The following ELAPOR2 variants were observed in gnomAD, a reference collection of about 807,000 sequenced individuals.
The protein encoded by ELAPOR2 is endosome-lysosome associated apoptosis and autophagy regulator family member 2.
A neutral mutation model predicts 120.7 loss-of-function variants in ELAPOR2; 89 were observed. That is an observed-to-expected ratio of 0.74 (90% CI 0.62 to 0.88). ELAPOR2 has a LOEUF of 0.88. Ranked by LOEUF, ELAPOR2 falls within the 40% of genes least tolerant of loss-of-function variation. ELAPOR2 has a pLI of 0.00. For synonymous variants in ELAPOR2, 444 were observed against 444.9 expected, an observed-to-expected ratio of 1.00 and a Z score of 0.03; for missense variants, 1,134 against 1,251.6, an observed-to-expected ratio of 0.91 and a Z score of 1.42.
chr7:86,946,190 C>CAT (rs3057444), intron 3 of ELAPOR2, among the ~76,000 whole-genome samples: 2 of 151,570 alleles, frequency 1.3e-5, no homozygotes, highest in Admixed American at 1.3e-4. Flanking sequence ...CACACACACA[C>CAT]GTGTGCATAC....
At chr7:87,035,632 T>G (rs969943988) in intron 1 of ELAPOR2, among the ~76,000 whole-genome samples, 3 of 152,194 alleles carry the variant, frequency 2.0e-5, no homozygotes, top group Non-Finnish European at 2.9e-5. Flanking sequence ...ATATTGCATC[T>G]AAGTTGAACT....
At chr7:86,950,889 A>G (rs1175948830) in intron 2 of ELAPOR2, among the ~76,000 whole-genome samples, 2 of 152,218 alleles carry the variant, frequency 1.3e-5, no homozygotes, top group African/African-American at 4.8e-5. Flanking sequence ...AAAATATAGT[A>G]TAAGGTGGTT....
intron 5 of ELAPOR2, chr7:86,941,529 G>T (rs932299041): frequency 2.7e-6 from 1 of 369,192 alleles, no homozygotes; most frequent in Non-Finnish European, 5.6e-6. Context: ...AATGGAGACA[G>T]CACAGTACCC....
chr7:87,042,445 G>C (rs1460379191), intron 1 of ELAPOR2, among the ~76,000 whole-genome samples: 4 of 151,286 alleles, frequency 2.6e-5, no homozygotes, highest in Non-Finnish European at 5.9e-5. Flanking sequence ...CTAGAACTCA[G>C]GATGAGAATC....
intron 21 of ELAPOR2, among the ~76,000 whole-genome samples, chr7:86,881,107 C>G (rs1370459836): frequency 6.6e-6 from 1 of 152,024 alleles, no homozygotes; most frequent in East Asian, 1.9e-4. Flanking sequence ...TCATTGCTGG[C>G]ATTATATAAA....
chr7:87,025,514 A>G (rs1341315160), intron 1 of ELAPOR2, among the ~76,000 whole-genome samples: 1 of 152,124 alleles, frequency 6.6e-6, no homozygotes, highest in Non-Finnish European at 1.5e-5. Context: ...ACAATTAATG[A>G]CAAGTAAAAT....
At chr7:86,910,760 A>T (rs1789264108) in intron 15 of ELAPOR2, among the ~76,000 whole-genome samples, 1 of 148,752 alleles carries the variant, frequency 6.7e-6, no homozygotes, top group Non-Finnish European at 1.5e-5. Context: ...AAATGTAAAA[A>T]TAATACAGGA....
intron 1 of ELAPOR2, among the ~76,000 whole-genome samples, chr7:86,998,224 G>T (rs1793188702): frequency 6.6e-6 from 1 of 151,990 alleles, no homozygotes; most frequent in Non-Finnish European, 1.5e-5. Context: ...GTTAAACAAT[G>T]GTAATATGAA....
intron 1 of ELAPOR2, among the ~76,000 whole-genome samples, chr7:87,001,235 G>A (rs1387644796): frequency 3.9e-5 from 6 of 152,120 alleles, no homozygotes; most frequent in African/African-American, 1.2e-4. Flanking sequence ...GAGAGTAGAG[G>A]TGATATTATA....
chr7:86,885,499 G>T (rs796705493), intron 21 of ELAPOR2, among the ~76,000 whole-genome samples: 4 of 152,170 alleles, frequency 2.6e-5, no homozygotes, highest in Admixed American at 6.6e-5. Context: ...CAGTCTTAAT[G>T]CCTCCCTCCC....
At chr7:87,036,300 C>G (rs1178403559) in intron 1 of ELAPOR2, among the ~76,000 whole-genome samples, 1 of 151,824 alleles carries the variant, frequency 6.6e-6, no homozygotes. Flanking sequence ...AGGGTGAAAC[C>G]CTGTCTATAC....
intron 1 of ELAPOR2, among the ~76,000 whole-genome samples, chr7:86,980,984 G>A (rs1156932710): frequency 6.6e-6 from 1 of 152,148 alleles, no homozygotes; most frequent in African/African-American, 2.4e-5. Flanking sequence ...GTATCACTCA[G>A]GCTCCTTTGC....
At chr7:86,907,634 T>C (rs757087662) in intron 18 of ELAPOR2, 36 bp downstream of exon 18, 2 of 1,324,882 alleles carry the variant, frequency 1.5e-6, no homozygotes, top group Non-Finnish European at 2.1e-6. Context: ...TTTTTCTTCC[T>C]CATGGTAAAC....
intron 1 of ELAPOR2, among the ~76,000 whole-genome samples, chr7:87,010,629 G>A (rs1308252880): frequency 1.3e-5 from 2 of 152,082 alleles, no homozygotes; most frequent in Non-Finnish European, 2.9e-5. Flanking sequence ...CATTTCTCTA[G>A]GGATATTATA....
intron 1 of ELAPOR2, among the ~76,000 whole-genome samples, chr7:86,998,003 A>G (rs4728658): frequency 0.025 from 3,851 of 152,296 alleles, 130 homozygotes; most frequent in East Asian, 0.098. Context: ...GAATTACACA[A>G]CAATATGTAA....
chr7:86,913,189 T>C lies in ELAPOR2; in HGVS notation c.1747A>G (p.Asn583Asp). ...ATAGAATAAATCTTCACCATGTCATTGATGAACCGTCTATTCTAAAAAAAA... is the reference window on the plus strand; with the variant it reads ...ATAGAATAAATCTTCACCATGTCATCGATGAACCGTCTATTCTAAAAAAAA... Reference protein sequence around the residue: ...NQGQDNRRFINDMVKIYSITA... With the variant: ...NQGQDNRRFIDDMVKIYSITA... Residue 583 changes from asparagine (N) to aspartate (D), a missense_variant, in exon 14 of 22, where the codon AAT becomes GAT. Asn to Asp is a conservative substitution (Grantham distance 23). This residue lies in a region of ELAPOR2 where 831 missense variants were observed against 867.6 expected (regional missense o/e 0.96). Coordinates refer to ENST00000450689, the MANE Select transcript of ELAPOR2 (RefSeq NM_001142749.3). The C allele has an allele frequency of 6.2e-7, 1 of 1,613,752 alleles. No individual in the cohort carries two copies.
chr7:86,917,969 G>A (rs1789641553), intron 12 of ELAPOR2, among the ~76,000 whole-genome samples: 1 of 152,088 alleles, frequency 6.6e-6, no homozygotes, highest in Non-Finnish European at 1.5e-5. Context: ...ATCTAGAAAA[G>A]AAATGGGCAA....
Position 86,878,027 on chromosome 7 carries a change from G to A in ELAPOR2, c.*2444C>T, listed in dbSNP as rs1799235477. ...AAATACGTTTTGACGAGTGCTAAGA[G>A]ATGTTATAGGCAACAGTTGACTTAA... is the stretch of plus-strand genomic sequence containing the variant. On this transcript the variant is annotated 3_prime_UTR_variant, in exon 22 of 22. Coordinates refer to ENST00000450689, the MANE Select transcript of ELAPOR2 (RefSeq NM_001142749.3). The A allele has an allele frequency of 6.6e-6, 1 of 152,158 alleles. No homozygotes were observed. Among genetic ancestry groups the A allele is most frequent in the Non-Finnish European group, 1.5e-5 (1 of 68,024 alleles). The allele number at this position is 152,158 out of a possible 1,614,324, so 9.4% of individuals were successfully genotyped here. A position where few individuals can be genotyped will look rare whatever the true frequency, so the allele number is the denominator to read the frequency against.
chr7:86,989,773 A>G (rs564883541), intron 1 of ELAPOR2, among the ~76,000 whole-genome samples: 2 of 152,108 alleles, frequency 1.3e-5, no homozygotes, highest in South Asian at 2.1e-4. Context: ...ATTGAAATAT[A>G]ATAAAGATAC....
Sources: allele counts gnomAD v4.1 joint callset (sites outside exome capture counted in the v4.1 genomes callset), GRCh38; gene constraint gnomAD v4.1.1; regional missense constraint gnomAD v4.1.1; transcripts MANE v1.5; gene names NCBI Gene and HGNC (gene_info 2026-07-23, HGNC 2026-07-21).